GASK1B: variants seen among roughly 807,000 people sequenced by gnomAD.
GASK1B encodes the protein Golgi-associated kinase 1B.
In GASK1B, 34 loss-of-function variants were observed where a neutral mutation model predicts 42.8. The ratio of observed to expected loss-of-function variants is 0.79; its 90% CI spans 0.60 to 1.06. The LOEUF is 1.06. GASK1B is among the 50% of genes least tolerant of loss of function. The probability of loss-of-function intolerance (pLI) is 0.00; values close to 1 mark genes in which losing one functional copy is unlikely to be tolerated. For synonymous variants in GASK1B, 262 were observed against 259.1 expected (o/e 1.01, Z -0.11); for missense variants, 686 against 661.0 (o/e 1.04, Z -0.42).
Position 158,170,626 on chromosome 4 carries a change from C to T in GASK1B, c.750G>A (p.Glu250=), listed in dbSNP as rs372670389. The change falls in exon 2 of 5, where the codon GAG becomes GAA. Residue 250 remains glutamate (E), a synonymous_variant. Coordinates refer to ENST00000585682, the MANE Select transcript of GASK1B (RefSeq NM_001128424.2). ...SRSGARLLVL[E]GGAPGAVLRC... Reference sequence around the variant, plus strand: ...GGAGCACAGCGCCAGGTGCGCCCCCCTCCAGCACCAGCAAACGGGCTCCGC... The same window carrying T: ...GGAGCACAGCGCCAGGTGCGCCCCCTTCCAGCACCAGCAAACGGGCTCCGC... 3 of 1,613,800 alleles carry T rather than the reference C, an allele frequency of 1.9e-6. No homozygotes were observed. In the African/African-American group the frequency reaches 4.0e-5, roughly 21 times the overall value.
At chr4:158,151,738 T>A (rs1235472143) in intron 3 of GASK1B, among the ~76,000 whole-genome samples, 2 of 152,148 alleles carry the variant, frequency 1.3e-5, no homozygotes, top group Admixed American at 6.5e-5. Context: ...CCTCCTAGAT[T>A]GAACTAGGAA....
At chr4:158,139,939 AG>A (rs1264103977) in intron 3 of GASK1B, among the ~76,000 whole-genome samples, 1 of 152,226 alleles carries the variant, frequency 6.6e-6, no homozygotes, top group African/African-American at 2.4e-5. Flanking sequence ...TTAAAAAGAC[AG>A]GGACTTACAG....
At chr4:158,145,317 G>C (rs1257374990) in intron 3 of GASK1B, among the ~76,000 whole-genome samples, 2 of 152,122 alleles carry the variant, frequency 1.3e-5, no homozygotes, top group African/African-American at 4.8e-5. Flanking sequence ...TTAGAAGTCA[G>C]GTAAGAATTA....
chr4:158,141,385 T>C (rs1731109462), intron 3 of GASK1B, among the ~76,000 whole-genome samples: 1 of 151,390 alleles, frequency 6.6e-6, no homozygotes, highest in Non-Finnish European at 1.5e-5. Flanking sequence ...AAGTACCTTT[T>C]GGTTATTGAG....
chr4:158,159,151 T>C (rs191300158), intron 2 of GASK1B, among the ~76,000 whole-genome samples: 5 of 152,302 alleles, frequency 3.3e-5, no homozygotes, highest in Admixed American at 3.3e-4. Context: ...GCAAAATATT[T>C]TGAATGCCAA....
chr4:158,161,131 G>A (rs997082663), intron 2 of GASK1B, among the ~76,000 whole-genome samples: 33 of 151,898 alleles, frequency 2.2e-4, no homozygotes, highest in African/African-American at 8.0e-4. Context: ...ATCATCCTAT[G>A]ATTTGAAGAA....
chr4:158,171,796 C>G (rs1030547296), intron 1 of GASK1B, among the ~76,000 whole-genome samples, 197 bp from the exon 2 acceptor site: 5 of 151,874 alleles, frequency 3.3e-5, no homozygotes, highest in Non-Finnish European at 5.9e-5. Flanking sequence ...GAAAACAAGC[C>G]ACAAAAATCC....
chr4:158,134,578 A>G (rs572214396), intron 3 of GASK1B, among the ~76,000 whole-genome samples: 1 of 152,340 alleles, frequency 6.6e-6, no homozygotes, highest in Admixed American at 6.5e-5. Context: ...ACCATTTTCC[A>G]TAAAATGAGT....
At position 158,130,975 on chromosome 4, in the gene GASK1B, C is replaced by G. The variant is rs1245319359; in HGVS notation, c.1163G>C (p.Arg388Thr). 6.2e-7 allele frequency: 1 copy of G among 1,613,862 alleles called. No homozygotes were observed. Among genetic ancestry groups the G allele is most frequent in the African/African-American group, 1.3e-5 (1 of 74,902 alleles). Residue 388 changes from arginine (R) to threonine (T), a missense_variant, in exon 4 of 5, where the codon AGA (arginine) becomes ACA (threonine). Physicochemically the swap from Arg to Thr is moderately conservative, Grantham distance 71 (BLOSUM62 -1). Coordinates refer to ENST00000585682, the MANE Select transcript of GASK1B (RefSeq NM_001128424.2). ...TACACAGGCATCTTCCTTGCGAGGT[C>G]TGAATCCACAGCAATTTGTATCTAA... ...NRLDTNCCGF[R>T]PRKEDACVQN...
chr4:158,170,297 C>T, intron 2 of GASK1B, 169 bp downstream of exon 2: 1 of 1,614,230 alleles, frequency 6.2e-7, no homozygotes, highest in Non-Finnish European at 8.5e-7. Context: ...TCCTCCCAGG[C>T]TGGGAAAATA....
chr4:158,172,148 TTC>T (rs1732575394), intron 1 of GASK1B: 1 of 152,122 alleles, frequency 6.6e-6, no homozygotes. Context: ...GTTGCATTTA[TTC>T]TGTTTCTCTC....
At chr4:158,152,342 T>C (rs1731589675) in intron 3 of GASK1B, among the ~76,000 whole-genome samples, 1 of 152,074 alleles carries the variant, frequency 6.6e-6, no homozygotes, top group Non-Finnish European at 1.5e-5. Context: ...CCCTAACTAA[T>C]ACAGTAATTA....
chr4:158,127,272 G>A lies in GASK1B; in HGVS notation c.*135C>T. On this transcript the variant is annotated 3_prime_UTR_variant, in exon 5 of 5. Transcript: ENST00000585682. ...GTGCTAAGTCCCATTATAGCTACTT[G>A]GTTAAAGTCATTTATTTTACGTATT... 1 of 713,058 alleles carries A rather than the reference G, an allele frequency of 1.4e-6. No individual in the cohort carries two copies. 44.2% of individuals were successfully genotyped at this position (713,058 alleles called of 1,614,324 possible).
chr4:158,139,299 G>T (rs538382614), intron 3 of GASK1B, among the ~76,000 whole-genome samples: 36 of 152,232 alleles, frequency 2.4e-4, no homozygotes, highest in African/African-American at 7.5e-4. Flanking sequence ...TACAGTGCAG[G>T]TACTTTATAA....
intron 2 of GASK1B, among the ~76,000 whole-genome samples, chr4:158,165,868 T>A (rs1732211234): frequency 6.6e-6 from 1 of 152,140 alleles, no homozygotes; most frequent in Non-Finnish European, 1.5e-5. Flanking sequence ...AAGAGTAATA[T>A]CTGCTATGTA....
intron 3 of GASK1B, among the ~76,000 whole-genome samples, chr4:158,148,547 C>T (rs576198887): frequency 1.3e-5 from 2 of 152,272 alleles, no homozygotes; most frequent in African/African-American, 4.8e-5. Context: ...TTTGTAAATA[C>T]TAACCAAATT....
rs182087196 is a variant in GASK1B, at chr4:158,150,010, C to T, written c.1125+5601G>A. The stretch of plus-strand genomic sequence containing the variant: ...CGCGATCTCGGCTCACTGCAAGCTC[C>T]GCCTCCCCAGGTTCACGCCATTCTC... On this transcript the variant is annotated intron_variant, in intron 3 of 4. Coordinates refer to ENST00000585682, the MANE Select transcript of GASK1B (RefSeq NM_001128424.2). Among the ~76,000 whole-genome samples, 247 of 142,018 alleles carry T rather than the reference C, an allele frequency of 1.7e-3. 1 individual carries two copies. The highest frequency in any genetic ancestry group is 4.1e-3 in the Middle Eastern group (1 of 246). 93.2% of individuals were successfully genotyped at this position (142,018 alleles called of 152,430 possible).
chr4:158,157,743 A>G (rs1731811996), intron 2 of GASK1B, among the ~76,000 whole-genome samples: 1 of 152,142 alleles, frequency 6.6e-6, no homozygotes, highest in African/African-American at 2.4e-5. Flanking sequence ...TTTCCTCAGC[A>G]ATTCATATAA....
Position 158,131,002 on chromosome 4 carries a change from C to T in GASK1B, c.1136G>A (p.Arg379His), listed in dbSNP as rs1240556570. The T allele has an allele frequency of 4.3e-6, 7 of 1,612,526 alleles. 1 individual carries two copies. The East Asian group carries it at 8.9e-5, about 21-fold the overall frequency. The change falls in exon 4 of 5, where the codon CGC becomes CAC. Residue 379 changes from arginine to histidine, a missense_variant. Transcript: ENST00000585682. ...GAATCCACAGCAATTTGTATCTAAG[C>T]GATTATAAATCTGTAAATGGAAAAC... ...LFDFLLQIYN[R>H]LDTNCCGFRP... is the part of the protein sequence containing the mutation.
Sources: gnomAD v4.1 joint callset for allele counts (sites outside exome capture counted in the v4.1 genomes callset) on GRCh38, gnomAD v4.1.1 for gene constraint, MANE v1.5 for transcripts, NCBI Gene and HGNC (gene_info 2026-07-23, HGNC 2026-07-21) for gene names.